Variants in KIF27 observed in about 807,000 individuals in gnomAD.
KIF27 encodes the protein kinesin-like protein KIF27.
KIF27 carries 84 observed loss-of-function variants against 141.8 expected under a neutral mutation model. The ratio of observed to expected loss-of-function variants is 0.59; its 90% CI spans 0.50 to 0.71. The LOEUF (loss-of-function observed/expected upper bound fraction) is 0.71, where lower values mean the gene tolerates loss of function less well. Among genes scored for constraint, KIF27 ranks in the 30% least tolerant of loss-of-function variants. The pLI is 0.00. For missense variants in KIF27, 1,306 were observed against 1,628.4 expected, an observed-to-expected ratio of 0.80 and a Z score of 3.41; for synonymous variants, 471 against 569.5, an observed-to-expected ratio of 0.83 and a Z score of 2.46.
intron 11 of KIF27, among the ~76,000 whole-genome samples, chr9:83,874,831 G>A (rs1408781337): frequency 6.6e-6 from 1 of 151,666 alleles, no homozygotes; most frequent in Non-Finnish European, 1.5e-5. Flanking sequence ...CTACTTGGGA[G>A]GCTGAGGTGG....
At chr9:83,860,883 A>ATTT (rs10648187) in intron 13 of KIF27, among the ~76,000 whole-genome samples, 2,514 of 142,946 alleles carry the variant, frequency 0.018, 29 homozygotes, top group African/African-American at 0.045. Context: ...TTGATGGGAG[A>ATTT]TTTTTTTTTT....
chr9:83,921,205 C>G (rs952687721), intron 1 of KIF27, among the ~76,000 whole-genome samples, 166 bp downstream of exon 1: 44 of 152,228 alleles, frequency 2.9e-4, no homozygotes, highest in African/African-American at 9.9e-4. Context: ...ACCGCCCACC[C>G]TCCGCTACCC....
chr9:83,837,528 C>A (rs1269417529), intron 17 of KIF27, 43 bp from the exon 18 acceptor site: 9 of 1,530,804 alleles, frequency 5.9e-6, no homozygotes, highest in Non-Finnish European at 7.9e-6. Flanking sequence ...ACTATTTCCT[C>A]AAAATTAGGT....
At chr9:83,845,062 C>A (rs939465257) in intron 16 of KIF27, among the ~76,000 whole-genome samples, 2 of 152,140 alleles carry the variant, frequency 1.3e-5, no homozygotes, top group African/African-American at 4.8e-5. Context: ...GCCATATGAC[C>A]CAGCAGATCC....
intron 16 of KIF27, among the ~76,000 whole-genome samples, chr9:83,845,079 G>A (rs1947083459): frequency 6.6e-6 from 1 of 152,194 alleles, no homozygotes; most frequent in Admixed American, 6.5e-5. Flanking sequence ...ATCCAATGGT[G>A]CTTGAGGTGT....
intron 6 of KIF27, among the ~76,000 whole-genome samples, chr9:83,891,030 G>A (rs1952624954): frequency 6.6e-6 from 1 of 152,160 alleles, no homozygotes; most frequent in Non-Finnish European, 1.5e-5. Flanking sequence ...GGTCATGTCT[G>A]AAAATATGGC....
intron 3 of KIF27, among the ~76,000 whole-genome samples, chr9:83,905,594 T>C (rs1253307158): frequency 1.3e-5 from 2 of 152,236 alleles, no homozygotes; most frequent in Non-Finnish European, 2.9e-5. Flanking sequence ...ATCATGACAC[T>C]TTTTAAACAA....
chr9:83,904,038 G>A lies in KIF27; in HGVS notation c.500-20C>T, dbSNP rs1954225941. The A allele has an allele frequency of 1.3e-6, 2 of 1,547,318 alleles. No homozygotes were observed. Among genetic ancestry groups the A allele is most frequent in the Non-Finnish European group, 1.7e-6 (2 of 1,143,960 alleles). On this transcript the variant is annotated intron_variant, in intron 3 of 17. Transcript: ENST00000297814. ...CAATCACTTAAAATAGTAATAACATGTTTTTAAGCCAAGTTTTCATCAAAA... is the reference window on the plus strand; with the variant it reads ...CAATCACTTAAAATAGTAATAACATATTTTTAAGCCAAGTTTTCATCAAAA...
chr9:83,878,083 G>A (rs1457364321), intron 11 of KIF27, among the ~76,000 whole-genome samples: 1 of 141,624 alleles, frequency 7.1e-6, no homozygotes, highest in Non-Finnish European at 1.5e-5. Context: ...AGAATGGCGT[G>A]AACTCAGGAG....
Position 83,870,138 on chromosome 9 carries a change from T to C in KIF27, c.2757+381A>G, listed in dbSNP as rs560851797. ...GTCCACCAGTTTTTACATCTATCTA[T>C]CTCTCTATCTATCTATCTATCTATC... On this transcript the variant is annotated intron_variant, in intron 12 of 17. Transcript: ENST00000297814. 1.0e-4 allele frequency among the ~76,000 whole-genome samples: 15 copies of C among 149,624 alleles called. No homozygotes were observed. In the South Asian group the frequency reaches 3.2e-3, roughly 32 times the overall value.
At position 83,837,187 on chromosome 9, in the gene KIF27, T is replaced by G; in HGVS notation, c.4020A>C (p.Gln1340His). 6.2e-7 allele frequency: 1 copy of G among 1,614,156 alleles called. No individual in the cohort carries two copies. The highest frequency in any genetic ancestry group is 8.5e-7 in the Non-Finnish European group (1 of 1,180,016). ...GTCCCACATTTCCCACAACCTGAAT[T>G]TGGGATGACAGTCGACTGTGAGATT... Reference protein sequence around the residue: ...FTKSHSRLSSQIQVVGNVGRL... With the variant: ...FTKSHSRLSSHIQVVGNVGRL... The change falls in exon 18 of 18, where the codon CAA becomes CAC. Residue 1340 changes from glutamine (Q) to histidine (H), a missense_variant. Gln to His is a conservative substitution (Grantham distance 24, BLOSUM62 0). Around this residue, in one of 4 missense-constraint regions of KIF27, gnomAD observed 148 missense variants for 250.9 expected, o/e 0.59. Coordinates refer to ENST00000297814, the MANE Select transcript of KIF27 (RefSeq NM_017576.4).
At chr9:83,874,146 A>G (rs529188306) in intron 11 of KIF27, among the ~76,000 whole-genome samples, 18 of 152,262 alleles carry the variant, frequency 1.2e-4, no homozygotes, top group East Asian at 7.7e-4. Flanking sequence ...TTTGTTATAC[A>G]TATTAAAATA....
chr9:83,839,921 T>C (rs571523413), intron 17 of KIF27, among the ~76,000 whole-genome samples: 4 of 152,148 alleles, frequency 2.6e-5, no homozygotes, highest in African/African-American at 7.2e-5. Flanking sequence ...CCAGCCTGGG[T>C]AACAAGAGTG....
rs544957472 is a variant in KIF27, at chr9:83,915,539, T to C, written c.53A>G (p.Lys18Arg). The C allele has an allele frequency of 1.9e-6, 3 of 1,613,744 alleles. No homozygotes were observed. In the African/African-American group the frequency reaches 4.0e-5, roughly 22 times the overall value. The change falls in exon 2 of 18, where the codon AAA becomes AGA. Residue 18 changes from lysine to arginine, a missense_variant. Lys to Arg is a conservative substitution (Grantham distance 26, BLOSUM62 2). Transcript: ENST00000297814. ...VAVRIRPLLC[K>R]EALHNHQVCV... ...AACTTGATGATTATGAAGAGCTTCT[T>C]TGCAAAGCAGAGGTCTAATTCTTAC...
At chr9:83,910,608 G>GCCATC (rs541731105) in intron 2 of KIF27, among the ~76,000 whole-genome samples, 198 of 152,330 alleles carry the variant, frequency 1.3e-3, no homozygotes, top group African/African-American at 4.4e-3. Flanking sequence ...CAGAGAATGT[G>GCCATC]TGCAGAAGAC....
intron 13 of KIF27, among the ~76,000 whole-genome samples, chr9:83,866,203 C>A (rs1426561464): frequency 6.6e-6 from 1 of 151,640 alleles, no homozygotes; most frequent in Non-Finnish European, 1.5e-5. Context: ...CCCTTCATTT[C>A]TGAGTCTTTT....
At chr9:83,883,668 C>G (rs951837016) in intron 10 of KIF27, 145 bp downstream of exon 10, 2 of 565,698 alleles carry the variant, frequency 3.5e-6, no homozygotes, top group Non-Finnish European at 6.2e-6. Context: ...ATATGTAAAT[C>G]GACCAGCACA....
chr9:83,902,994 A>G, intron 4 of KIF27, 66 bp downstream of exon 4: 1 of 1,016,924 alleles, frequency 9.8e-7, no homozygotes, highest in Non-Finnish European at 1.4e-6. Flanking sequence ...ATGTACCCCC[A>G]AAATATGTAC....
At chr9:83,902,438 A>G (rs1397797145) in intron 4 of KIF27, among the ~76,000 whole-genome samples, 1 of 152,174 alleles carries the variant, frequency 6.6e-6, no homozygotes, top group East Asian at 1.9e-4. Flanking sequence ...TTCACACAAT[A>G]AACAGTTTCT....
Sources: gnomAD v4.1 joint callset for allele counts (sites outside exome capture counted in the v4.1 genomes callset) on GRCh38, gnomAD v4.1.1 for gene constraint, gnomAD v4.1.1 regional missense constraint, MANE v1.5 for transcripts, NCBI Gene and HGNC (gene_info 2026-07-23, HGNC 2026-07-21) for gene names.